The following MAP4K3 variants were observed in gnomAD, a reference collection of about 807,000 sequenced individuals.
MAP4K3 encodes the protein MAPK/ERK kinase kinase kinase 3.
In MAP4K3, 94 loss-of-function variants were observed where a neutral mutation model predicts 143.5. The ratio of observed to expected loss-of-function variants is 0.65; its 90% CI spans 0.55 to 0.78. The LOEUF (loss-of-function observed/expected upper bound fraction) is 0.78, where lower values mean the gene tolerates loss of function less well. Among genes scored for constraint, MAP4K3 ranks in the 30% least tolerant of loss-of-function variants. The pLI is 0.00. For synonymous variants in MAP4K3, 416 were observed against 347.2 expected, an observed-to-expected ratio of 1.20 and a Z score of -2.20; for missense variants, 1,077 against 1,068.1, an observed-to-expected ratio of 1.01 and a Z score of -0.12.
chr2:39,375,875 A>T (rs1243729855), intron 2 of MAP4K3, among the ~76,000 whole-genome samples: 2 of 152,216 alleles, frequency 1.3e-5, no homozygotes, highest in African/African-American at 4.8e-5. Context: ...TTCACTTAGC[A>T]CGTTTTGGTC....
At chr2:39,422,496 C>A (rs1439713705) in intron 1 of MAP4K3, among the ~76,000 whole-genome samples, 1 of 152,186 alleles carries the variant, frequency 6.6e-6, no homozygotes, top group East Asian at 1.9e-4. Context: ...TGATCTCAGA[C>A]TTCTAGCCTC....
intron 1 of MAP4K3, among the ~76,000 whole-genome samples, chr2:39,424,355 G>C (rs79275413): frequency 6.6e-6 from 1 of 152,160 alleles, no homozygotes; most frequent in African/African-American, 2.4e-5. Flanking sequence ...AGGTGGGAGG[G>C]GATGGAGGAA....
At chr2:39,348,046 A>G (rs1293944474) in intron 3 of MAP4K3, among the ~76,000 whole-genome samples, 4 of 152,124 alleles carry the variant, frequency 2.6e-5, no homozygotes, top group African/African-American at 7.2e-5. Context: ...AATATGAGAT[A>G]TAATTTACAT....
intron 1 of MAP4K3, among the ~76,000 whole-genome samples, chr2:39,430,752 C>A: frequency 6.6e-6 from 1 of 152,104 alleles, no homozygotes; most frequent in Admixed American, 6.5e-5. Context: ...ATGAACATTG[C>A]TTAATATGCC....
At chr2:39,293,035 T>C (rs1682116348) in intron 17 of MAP4K3, among the ~76,000 whole-genome samples, 195 bp downstream of exon 17, 1 of 152,102 alleles carries the variant, frequency 6.6e-6, no homozygotes, top group Non-Finnish European at 1.5e-5. Context: ...AAAGATCGCT[T>C]GAGCCCAGGA....
chr2:39,260,868 G>A (rs1680541208), intron 28 of MAP4K3, 91 bp from the exon 29 acceptor site: 1 of 804,046 alleles, frequency 1.2e-6, no homozygotes, highest in Admixed American at 2.9e-5. Context: ...CTACAATAAA[G>A]ACTGCATCTT....
intron 1 of MAP4K3, among the ~76,000 whole-genome samples, chr2:39,416,006 A>ATATATATATATATATATATATATAT (rs1420812309): frequency 6.6e-5 from 5 of 75,864 alleles, no homozygotes; most frequent in African/African-American, 2.2e-4. Context: ...TATATATATA[A>ATATATATATATATATATATATATAT]AAATAACATT....
At chr2:39,311,686 G>A (rs1019009707) in intron 13 of MAP4K3, among the ~76,000 whole-genome samples, 5 of 152,198 alleles carry the variant, frequency 3.3e-5, no homozygotes, top group African/African-American at 9.7e-5. Flanking sequence ...CAATAGTTAC[G>A]TGAATGAGCT....
chr2:39,326,358 T>A, intron 8 of MAP4K3, 81 bp from the exon 9 acceptor site: 1 of 1,486,972 alleles, frequency 6.7e-7, no homozygotes, highest in South Asian at 1.3e-5. Context: ...CAAGGAATTA[T>A]CACTATCTAA....
chr2:39,375,526 G>C (rs1482883381), intron 2 of MAP4K3, among the ~76,000 whole-genome samples: 3 of 152,176 alleles, frequency 2.0e-5, no homozygotes, highest in Non-Finnish European at 2.9e-5. Flanking sequence ...GGAACCTATA[G>C]ATATAACGTA....
At chr2:39,293,040 C>T (rs1157555279) in intron 17 of MAP4K3, among the ~76,000 whole-genome samples, 190 bp downstream of exon 17, 2 of 151,924 alleles carry the variant, frequency 1.3e-5, no homozygotes, top group Non-Finnish European at 2.9e-5. Flanking sequence ...TCGCTTGAGC[C>T]CAGGAGTTCA....
At chr2:39,347,622 A>T (rs1665332468) in intron 3 of MAP4K3, among the ~76,000 whole-genome samples, 1 of 152,158 alleles carries the variant, frequency 6.6e-6, no homozygotes, top group Admixed American at 6.6e-5. Flanking sequence ...GTGTAACTTA[A>T]ATTAACTTGT....
intron 3 of MAP4K3, among the ~76,000 whole-genome samples, chr2:39,352,165 C>A (rs549342464): frequency 6.6e-6 from 1 of 152,150 alleles, no homozygotes; most frequent in East Asian, 1.9e-4. Flanking sequence ...GTAGCGTGCG[C>A]CCGTAATCCC....
intron 1 of MAP4K3, among the ~76,000 whole-genome samples, chr2:39,424,324 G>C (rs538506848): frequency 2.4e-4 from 36 of 152,220 alleles, no homozygotes; most frequent in East Asian, 7.7e-4. Context: ...CCACCAACAG[G>C]GGGGAGGGGA....
At chr2:39,258,066 G>A (rs920147920) in intron 31 of MAP4K3, among the ~76,000 whole-genome samples, 5 of 151,920 alleles carry the variant, frequency 3.3e-5, no homozygotes, top group African/African-American at 1.2e-4. Flanking sequence ...CAAGTAGCTC[G>A]GACTACAGGC....
intron 12 of MAP4K3, among the ~76,000 whole-genome samples, chr2:39,318,129 G>T (rs1055229081): frequency 6.6e-6 from 1 of 152,130 alleles, no homozygotes; most frequent in African/African-American, 2.4e-5. Context: ...ATTATCCTAA[G>T]TAAACTAACT....
intron 2 of MAP4K3, among the ~76,000 whole-genome samples, chr2:39,356,620 T>C (rs1665618783): frequency 6.6e-6 from 1 of 152,186 alleles, no homozygotes; most frequent in Non-Finnish European, 1.5e-5. Context: ...TGAGTTTGGG[T>C]AAATTATTTG....
intron 1 of MAP4K3, among the ~76,000 whole-genome samples, chr2:39,383,181 C>T (rs892330669): frequency 1.3e-5 from 2 of 152,094 alleles, no homozygotes; most frequent in Admixed American, 1.3e-4. Flanking sequence ...GAATTGCCTG[C>T]GACTCGGTAA....
intron 24 of MAP4K3, among the ~76,000 whole-genome samples, chr2:39,273,420 TGTACATAA>T (rs1262685830): frequency 6.6e-6 from 1 of 152,218 alleles, no homozygotes; most frequent in Non-Finnish European, 1.5e-5. Flanking sequence ...GAGCCACTGA[TGTACATAA>T]TTAGACATCC....
Sources: allele counts gnomAD v4.1 joint callset (sites outside exome capture counted in the v4.1 genomes callset), GRCh38; gene constraint gnomAD v4.1.1; transcripts MANE v1.5; gene names NCBI Gene and HGNC (gene_info 2026-07-23, HGNC 2026-07-21).